The following CYSLTR1 variants were observed in gnomAD, a reference collection of about 807,000 sequenced individuals.
CYSLTR1 encodes cysteinyl leukotriene receptor 1, also known as G-protein coupled receptor HG55.
In CYSLTR1, 1 loss-of-function variant was observed where a neutral mutation model predicts 2.1. The observed-to-expected ratio is 0.48, with a 90% CI of 0.17 to 2.28. The LOEUF (loss-of-function observed/expected upper bound fraction) is 2.28. Among genes scored for constraint, CYSLTR1 ranks in the 30% most tolerant of loss-of-function variants. The pLI, the probability that CYSLTR1 is intolerant of heterozygous loss-of-function variation, is 0.26. For synonymous variants in CYSLTR1, 110 were observed against 89.6 expected (o/e 1.23, Z -1.28); for missense variants, 299 against 250.1 (o/e 1.20, Z -1.32).
chrX:78,300,582 GA>G lies in CYSLTR1; in HGVS notation c.-114-17043del, dbSNP rs763668918. 4.4e-5 allele frequency among the ~76,000 whole-genome samples: 5 copies of G among 112,468 alleles called. 1 individual carries two copies. Among genetic ancestry groups the G allele is most frequent in the African/African-American group, 6.5e-5 (2 of 30,928 alleles). ...GTGCAAGATCCAGGAGAATTCTCTAGATTACCAGACAGAGACTTGTTCTCTT... is the reference window on the plus strand; with the variant it reads ...GTGCAAGATCCAGGAGAATTCTCTAGTTACCAGACAGAGACTTGTTCTCTT... On this transcript the variant is annotated intron_variant, in intron 1 of 2. Transcript: ENST00000373304.
At chrX:78,320,094 G>T (rs1923581284) in intron 1 of CYSLTR1, 2 of 111,936 alleles carry the variant, frequency 1.8e-5, no homozygotes, top group African/African-American at 6.5e-5. Context: ...CTTTTGCTGT[G>T]CAGAAGCTCT....
chrX:78,317,791 A>G (rs1006629935), intron 1 of CYSLTR1, among the ~76,000 whole-genome samples: 1 of 111,865 alleles, frequency 8.9e-6, no homozygotes. Context: ...GGATGCAAAG[A>G]TGTAAGAATG....
At chrX:78,288,469 C>A (rs1347376875) in intron 1 of CYSLTR1, among the ~76,000 whole-genome samples, 3 of 110,368 alleles carry the variant, frequency 2.7e-5, no homozygotes, top group Non-Finnish European at 5.7e-5. Context: ...CTTTGAAATG[C>A]CACAGTATTT....
chrX:78,273,646 G>A lies in CYSLTR1; in HGVS notation c.101C>T (p.Ser34Phe), dbSNP rs1214487897. The A allele has an allele frequency of 8.3e-7, 1 of 1,211,679 alleles. No homozygotes were observed. The highest frequency in any genetic ancestry group is 1.7e-5 in the African/African-American group (1 of 57,796). Residue 34 changes from serine (S) to phenylalanine (F), a missense_variant, in exon 3 of 3, where the codon TCT (serine) becomes TTT (phenylalanine). Coordinates refer to ENST00000373304, the MANE Select transcript of CYSLTR1 (RefSeq NM_006639.4). ...QVYSTLYSMI[S>F]VVGFFGNGFV... ...GCCATTGCCAAAGAAGCCTACAACA[G>A]AGATCATAGAGTACAAGGTGGAATA...
chrX:78,275,501 T>C (rs976651434), intron 2 of CYSLTR1, among the ~76,000 whole-genome samples: 6 of 106,898 alleles, frequency 5.6e-5, no homozygotes, highest in Non-Finnish European at 3.8e-5. Flanking sequence ...AAACACCGCA[T>C]GTTCTCACTC....
rs1190611817 is a variant in CYSLTR1, at chrX:78,272,485, T to A, written c.*248A>T. 1 of 238,875 alleles carries A rather than the reference T, an allele frequency of 4.2e-6. No homozygotes were observed. The highest frequency in any genetic ancestry group is 7.4e-6 in the Non-Finnish European group (1 of 135,488). The allele number at this position is 238,875 out of a possible 1,213,427, so 19.7% of individuals were successfully genotyped here. A position where few individuals can be genotyped will look rare whatever the true frequency, so the allele number is the denominator to read the frequency against. ...TTTTATAGTGCAAAGATAAAAATAT[T>A]CTCCAAATTCTGGTGAGTGGTCAAA... On this transcript the variant is annotated 3_prime_UTR_variant, in exon 3 of 3. Transcript: ENST00000373304.
chrX:78,297,092 G>C (rs1349410013), intron 1 of CYSLTR1, among the ~76,000 whole-genome samples: 3 of 111,071 alleles, frequency 2.7e-5, no homozygotes, highest in Non-Finnish European at 5.7e-5. Context: ...TGAGAGTTTT[G>C]ATCATGAAGG....
In CYSLTR1 at chrX:78,273,637, C is replaced by A; in HGVS notation, c.110G>T (p.Gly37Val). The A allele has an allele frequency of 8.3e-7, 1 of 1,211,669 alleles. No individual in the cohort carries two copies. Among genetic ancestry groups the A allele is most frequent in the Non-Finnish European group, 1.1e-6 (1 of 895,464 alleles). Residue 37 changes from glycine to valine, a missense_variant, in exon 3 of 3, where the codon GGC (glycine) becomes GTC (valine). Transcript: ENST00000373304. ...STLYSMISVV[G>V]FFGNGFVLYV... ...GAGCACAAAGCCATTGCCAAAGAAG[C>A]CTACAACAGAGATCATAGAGTACAA...
rs1218731633 is a variant in CYSLTR1, at chrX:78,305,722, T to A, written c.-115+21583A>T. On this transcript the variant is annotated intron_variant, in intron 1 of 2. Transcript: ENST00000373304. The stretch of plus-strand genomic sequence containing the variant: ...TTTTAGATATTTCATTTAAGTGGAA[T>A]AAGTGCAGTATTTATCTTTCTGTGA... 1.1e-4 allele frequency among the ~76,000 whole-genome samples: 12 copies of A among 112,753 alleles called. No homozygotes were observed. The Admixed American group carries it at 1.1e-3, about 11-fold the overall frequency.
At chrX:78,281,179 T>C (rs1921826223) in intron 2 of CYSLTR1, among the ~76,000 whole-genome samples, 1 of 111,609 alleles carries the variant, frequency 9.0e-6, no homozygotes, top group South Asian at 3.7e-4. Context: ...CTACAATGGC[T>C]GACCTAATTT....
At chrX:78,309,411 ATTC>A (rs1923141149) in intron 1 of CYSLTR1, among the ~76,000 whole-genome samples, 2 of 111,912 alleles carry the variant, frequency 1.8e-5, no homozygotes. Flanking sequence ...GGTGTATTCA[ATTC>A]TTTGAAAAAT....
At chrX:78,290,403 C>G (rs1922271220) in intron 1 of CYSLTR1, among the ~76,000 whole-genome samples, 2 of 111,736 alleles carry the variant, frequency 1.8e-5, no homozygotes, top group South Asian at 7.5e-4. Flanking sequence ...TGTGATGCCT[C>G]CAGCTTTGTT....
intron 1 of CYSLTR1, among the ~76,000 whole-genome samples, chrX:78,318,279 G>C (rs958009772): frequency 8.9e-6 from 1 of 112,141 alleles, no homozygotes; most frequent in African/African-American, 3.2e-5. Context: ...GCAAACTAAT[G>C]CAGGAACAGA....
chrX:78,282,158 C>T (rs1025221281), intron 2 of CYSLTR1, among the ~76,000 whole-genome samples: 9 of 111,795 alleles, frequency 8.1e-5, no homozygotes, highest in African/African-American at 2.9e-4. Context: ...ATGTCCTTTC[C>T]TCCTTCTTTG....
chrX:78,297,798 A>AAG (rs1922638212), intron 1 of CYSLTR1, among the ~76,000 whole-genome samples: 1 of 110,589 alleles, frequency 9.0e-6, no homozygotes, highest in Admixed American at 9.5e-5. Context: ...AGGATTGTTA[A>AAG]TTTTGCTTAA....
intron 1 of CYSLTR1, among the ~76,000 whole-genome samples, chrX:78,325,710 T>C (rs1308966914): frequency 5.4e-5 from 6 of 111,919 alleles, no homozygotes; most frequent in Non-Finnish European, 9.4e-5. Context: ...TAGAGGTCCA[T>C]ACAGGGCAAT....
intron 1 of CYSLTR1, among the ~76,000 whole-genome samples, chrX:78,285,875 T>G (rs1175708906): frequency 2.7e-5 from 3 of 111,917 alleles, no homozygotes; most frequent in Non-Finnish European, 1.9e-5. Flanking sequence ...CTGCCAATAC[T>G]GGGCTCTACC....
chrX:78,272,640 T>G lies in CYSLTR1; in HGVS notation c.*93A>C, dbSNP rs1333283861. The G allele has an allele frequency of 4.5e-6, 4 of 892,758 alleles. No homozygotes were observed. The highest frequency in any genetic ancestry group is 6.0e-6 in the Non-Finnish European group (4 of 672,148). The allele number at this position is 892,758 out of a possible 1,213,427, so 73.6% of individuals were successfully genotyped here. On this transcript the variant is annotated 3_prime_UTR_variant, in exon 3 of 3. Coordinates refer to ENST00000373304, the MANE Select transcript of CYSLTR1 (RefSeq NM_006639.4). ...CAAATAGTTAAGTATTTGTAAAATATTAAGTAAAATTTTTATTTTTTTTGT... is the reference window on the plus strand; with the variant it reads ...CAAATAGTTAAGTATTTGTAAAATAGTAAGTAAAATTTTTATTTTTTTTGT...
chrX:78,293,288 G>C (rs146040564), intron 1 of CYSLTR1, among the ~76,000 whole-genome samples: 36 of 110,928 alleles, frequency 3.2e-4, no homozygotes, highest in Non-Finnish European at 6.2e-4. Flanking sequence ...TTTTCTTTAA[G>C]AATGTTGAAT....
Sources: allele counts gnomAD v4.1 joint callset (sites outside exome capture counted in the v4.1 genomes callset), GRCh38; gene constraint gnomAD v4.1.1; transcripts MANE v1.5; gene names NCBI Gene and HGNC (gene_info 2026-07-23, HGNC 2026-07-21).